Variants in ASAP1 observed in about 807,000 individuals in gnomAD.
ASAP1 encodes arf-GAP with SH3 domain, ANK repeat and PH domain-containing protein 1.
In ASAP1, 43 loss-of-function variants were observed where a neutral mutation model predicts 145.2. That is an observed-to-expected ratio of 0.30 (90% CI 0.23 to 0.38). The LOEUF (loss-of-function observed/expected upper bound fraction) is 0.38. Among genes scored for constraint, ASAP1 ranks in the 10% least tolerant of loss-of-function variants. The pLI, the probability that ASAP1 is intolerant of heterozygous loss-of-function variation, is 1.00. For synonymous variants in ASAP1, 546 were observed against 515.5 expected (o/e 1.06, Z -0.80); for missense variants, 1,018 against 1,355.3 (o/e 0.75, Z 3.91).
At chr8:130,210,323 T>C (rs987235848) in intron 5 of ASAP1, among the ~76,000 whole-genome samples, 3 of 152,228 alleles carry the variant, frequency 2.0e-5, no homozygotes, top group African/African-American at 7.2e-5. Context: ...TCCATAAAAA[T>C]AGATTTTTAA....
At position 130,124,124 on chromosome 8, in the gene ASAP1, C is replaced by T; in HGVS notation, c.1516-20G>A. The T allele has an allele frequency of 2.6e-6, 4 of 1,537,938 alleles. No individual in the cohort carries two copies. The highest frequency in any genetic ancestry group is 3.6e-6 in the Non-Finnish European group (4 of 1,125,690). On this transcript the variant is annotated intron_variant, in intron 17 of 29. Coordinates refer to ENST00000518721, the MANE Select transcript of ASAP1 (RefSeq NM_018482.4). ...GGCCAGCTGTAACAGAAAAAACAAA[C>T]AACCACAATATAGCAAACTCTTTGC...
intron 13 of ASAP1, among the ~76,000 whole-genome samples, chr8:130,143,104 G>A (rs887691661): frequency 2.6e-5 from 4 of 152,176 alleles, no homozygotes; most frequent in Admixed American, 2.6e-4. Flanking sequence ...AATGGTGAAT[G>A]GAGGGACACA....
At chr8:130,413,703 C>CA (rs1323295149) in intron 1 of ASAP1, among the ~76,000 whole-genome samples, 2 of 152,214 alleles carry the variant, frequency 1.3e-5, no homozygotes, top group African/African-American at 4.8e-5. Flanking sequence ...TCACCCCACA[C>CA]AGCAGCCCAC....
intron 24 of ASAP1, among the ~76,000 whole-genome samples, chr8:130,102,393 T>C (rs1369486596): frequency 6.6e-6 from 1 of 152,240 alleles, no homozygotes; most frequent in Non-Finnish European, 1.5e-5. Context: ...ATGTGGTGTG[T>C]CTCATTTATT....
chr8:130,074,811 G>A (rs1353176299), intron 27 of ASAP1, among the ~76,000 whole-genome samples: 1 of 152,210 alleles, frequency 6.6e-6, no homozygotes, highest in Non-Finnish European at 1.5e-5. Context: ...GGACTGCTGG[G>A]CAGCCCCAGA....
intron 1 of ASAP1, among the ~76,000 whole-genome samples, chr8:130,443,132 G>A (rs1340493546): frequency 2.0e-5 from 3 of 152,010 alleles, no homozygotes; most frequent in South Asian, 2.1e-4. Flanking sequence ...TCCCCCGGAG[G>A]GGGACGCGAA....
At chr8:130,406,289 T>C (rs1829024258) in intron 1 of ASAP1, among the ~76,000 whole-genome samples, 2 of 152,130 alleles carry the variant, frequency 1.3e-5, no homozygotes, top group Middle Eastern at 3.4e-3. Context: ...TCCATAAACA[T>C]GGGTCACCCA....
intron 4 of ASAP1, among the ~76,000 whole-genome samples, chr8:130,224,021 A>G (rs1014998381): frequency 6.6e-6 from 1 of 152,212 alleles, no homozygotes; most frequent in African/African-American, 2.4e-5. Flanking sequence ...AGTGTAACCT[A>G]CCAAGCATCC....
At chr8:130,156,324 T>C (rs767978582) in intron 12 of ASAP1, among the ~76,000 whole-genome samples, 2 of 152,236 alleles carry the variant, frequency 1.3e-5, no homozygotes, top group African/African-American at 4.8e-5. Flanking sequence ...AGGTTATTAG[T>C]GCTCATCTTT....
chr8:130,196,794 G>A (rs1462130904), intron 5 of ASAP1, among the ~76,000 whole-genome samples: 1 of 152,180 alleles, frequency 6.6e-6, no homozygotes, highest in East Asian at 1.9e-4. Context: ...AAAATAATGA[G>A]CCAGCTCCCA....
rs2097462649 is a variant in ASAP1 at position 130,076,500 on chromosome 8, TAATCATCTA to T, written c.2643-103_2643-95del. 6.3e-6 allele frequency: 6 copies of T among 946,282 alleles called. No individual in the cohort carries two copies. The African/African-American group carries it at 6.7e-5, about 11-fold the overall frequency. 58.6% of individuals were successfully genotyped at this position (946,282 alleles called of 1,614,324 possible). ...GTAAATCAAATCAAAGGTATTTACA[TAATCATCTA>T]AAGAATGCTTTCAAAATTTCCTTTT... On this transcript the variant is annotated intron_variant, in intron 26 of 29. Transcript: ENST00000518721.
chr8:130,063,381 T>A (rs989122491), intron 27 of ASAP1, among the ~76,000 whole-genome samples: 8 of 152,086 alleles, frequency 5.3e-5, no homozygotes, highest in Non-Finnish European at 1.2e-4. Flanking sequence ...AGGGCCATGC[T>A]GTCCCCAGCT....
At chr8:130,180,925 T>C in intron 7 of ASAP1, 45 bp from the exon 8 acceptor site, 1 of 1,421,768 alleles carries the variant, frequency 7.0e-7, no homozygotes, top group Non-Finnish European at 9.7e-7. Flanking sequence ...AAAAATACAC[T>C]CATGTACAAT....
intron 5 of ASAP1, among the ~76,000 whole-genome samples, chr8:130,192,864 G>A (rs1413355372): frequency 1.3e-5 from 2 of 152,164 alleles, no homozygotes; most frequent in Non-Finnish European, 2.9e-5. Context: ...AATCATTTGT[G>A]TACAAAGTTC....
intron 28 of ASAP1, among the ~76,000 whole-genome samples, chr8:130,060,149 G>GT (rs1450071114): frequency 6.6e-6 from 1 of 150,494 alleles, no homozygotes; most frequent in African/African-American, 2.5e-5. Flanking sequence ...AGGGAAATTG[G>GT]TTTCTCGTGA....
At chr8:130,334,168 G>A (rs890059964) in intron 3 of ASAP1, among the ~76,000 whole-genome samples, 1 of 152,206 alleles carries the variant, frequency 6.6e-6, no homozygotes, top group African/African-American at 2.4e-5. Context: ...GACTCTAGGT[G>A]CAGCTGTTAA....
chr8:130,324,604 G>T (rs1824210869), intron 3 of ASAP1, among the ~76,000 whole-genome samples: 1 of 151,970 alleles, frequency 6.6e-6, no homozygotes, highest in Non-Finnish European at 1.5e-5. Flanking sequence ...TGTGTTCAAG[G>T]GAATTAATTA....
At chr8:130,288,705 T>C (rs889308242) in intron 3 of ASAP1, among the ~76,000 whole-genome samples, 3 of 152,208 alleles carry the variant, frequency 2.0e-5, no homozygotes, top group African/African-American at 4.8e-5. Flanking sequence ...ATCTGTACTA[T>C]GGTAAAACCA....
At chr8:130,337,616 G>A (rs1224557691) in intron 3 of ASAP1, among the ~76,000 whole-genome samples, 1 of 152,186 alleles carries the variant, frequency 6.6e-6, no homozygotes, top group Non-Finnish European at 1.5e-5. Context: ...TGAAGGAAGA[G>A]GTTTCTCTCC....
Sources: gnomAD v4.1 joint callset for allele counts (sites outside exome capture counted in the v4.1 genomes callset) on GRCh38, gnomAD v4.1.1 for gene constraint, MANE v1.5 for transcripts, NCBI Gene and HGNC (gene_info 2026-07-23, HGNC 2026-07-21) for gene names.